CSMD1: variants seen among roughly 807,000 people sequenced by gnomAD.
CSMD1 encodes the protein CUB and Sushi multiple domains 1, also known as CUB and sushi domain-containing protein 1.
In CSMD1, 213 loss-of-function variants were observed where a neutral mutation model predicts 417.5. The ratio of observed to expected loss-of-function variants is 0.51; its 90% confidence interval spans 0.46 to 0.57. CSMD1 has a LOEUF of 0.57. Ranked by LOEUF, CSMD1 falls within the 20% of genes least tolerant of loss-of-function variation. The pLI, the probability that CSMD1 is intolerant of heterozygous loss-of-function variation, is 0.00. For synonymous variants in CSMD1, 2,862 were observed against 1,736.8 expected (o/e 1.65, Z -16.11); for missense variants, 6,923 against 4,529.7 (o/e 1.53, Z -15.17).
chr8:4,527,037 A>G (rs1796550345), intron 2 of CSMD1, among the ~76,000 whole-genome samples: 1 of 151,988 alleles, frequency 6.6e-6, no homozygotes, highest in African/African-American at 2.4e-5. Flanking sequence ...AATATTTCAT[A>G]TTTTTCTTTC....
intron 3 of CSMD1, among the ~76,000 whole-genome samples, chr8:4,287,014 T>A (rs548856003): frequency 2.6e-5 from 4 of 152,154 alleles, no homozygotes; most frequent in Non-Finnish European, 5.9e-5. Context: ...AAGTTTCACT[T>A]GAAAAATAAG....
chr8:4,380,003 G>A (rs1802999762), intron 3 of CSMD1, among the ~76,000 whole-genome samples: 2 of 152,198 alleles, frequency 1.3e-5, no homozygotes, highest in Non-Finnish European at 2.9e-5. Context: ...TTGCAGAGAG[G>A]ACTGCTGAAA....
intron 1 of CSMD1, among the ~76,000 whole-genome samples, chr8:4,894,497 G>A (rs890451573): frequency 6.6e-6 from 1 of 150,690 alleles, no homozygotes; most frequent in Non-Finnish European, 1.5e-5. Context: ...AGGTTGCAGT[G>A]AGCCGAGATC....
Position 3,546,118 on chromosome 8 carries a change from T to G in CSMD1, c.1344+28827A>C, listed in dbSNP as rs373870878. Among the ~76,000 whole-genome samples, 32 of 152,206 alleles carry G rather than the reference T, an allele frequency of 2.1e-4. 1 individual carries two copies. The highest frequency in any genetic ancestry group is 1.3e-3 in the East Asian group (7 of 5,188). The stretch of plus-strand genomic sequence containing the variant: ...GCAGTAAAATCCAAGAAAATATGTT[T>G]TGCTGTGCATAGGTGTCTCAACTAA... On this transcript the variant is annotated intron_variant, in intron 10 of 69. Transcript: ENST00000635120.
At chr8:4,244,217 C>G (rs561163228) in intron 3 of CSMD1, among the ~76,000 whole-genome samples, 140 of 152,216 alleles carry the variant, frequency 9.2e-4, no homozygotes, top group African/African-American at 3.1e-3. Flanking sequence ...CAAGCAGCAG[C>G]AACAGTAACA....
chr8:4,395,897 A>T (rs7828854), intron 3 of CSMD1, among the ~76,000 whole-genome samples: 1 of 152,048 alleles, frequency 6.6e-6, no homozygotes, highest in Admixed American at 6.5e-5. Context: ...AGAAACACAT[A>T]TAAGTGTAAT....
chr8:3,409,326 G>A (rs1241609228), intron 13 of CSMD1, 97 bp downstream of exon 13: 4 of 1,157,332 alleles, frequency 3.5e-6, no homozygotes, highest in Non-Finnish European at 4.6e-6. Context: ...TCTGAAAGCT[G>A]CCCTCCCTAA....
chr8:4,761,416 A>C (rs762105339), intron 1 of CSMD1, among the ~76,000 whole-genome samples: 1 of 152,164 alleles, frequency 6.6e-6, no homozygotes, highest in Admixed American at 6.5e-5. Context: ...ATATATACAC[A>C]CAATTACATA....
chr8:4,018,892 A>G (rs750711877), intron 4 of CSMD1, among the ~76,000 whole-genome samples: 1 of 152,138 alleles, frequency 6.6e-6, no homozygotes, highest in Admixed American at 6.5e-5. Context: ...ATGATAATAT[A>G]TAACTTCTAG....
intron 1 of CSMD1, among the ~76,000 whole-genome samples, chr8:4,936,644 C>G (rs946271978): frequency 2.0e-5 from 3 of 152,066 alleles, no homozygotes; most frequent in Non-Finnish European, 2.9e-5. Flanking sequence ...CATTTTAATT[C>G]AAGAGCTAGT....
intron 1 of CSMD1, among the ~76,000 whole-genome samples, chr8:4,837,844 T>C (rs575829805): frequency 2.6e-4 from 39 of 152,152 alleles, no homozygotes; most frequent in African/African-American, 8.4e-4. Context: ...AGCATGCCTA[T>C]ATCAAAACAT....
chr8:4,945,968 A>G (rs1808341242), intron 1 of CSMD1, among the ~76,000 whole-genome samples: 1 of 152,190 alleles, frequency 6.6e-6, no homozygotes, highest in Non-Finnish European at 1.5e-5. Context: ...AGGACATATC[A>G]GAGGCTCCAG....
At chr8:3,998,259 G>A (rs1815379359) in intron 4 of CSMD1, 149 bp from the exon 5 acceptor site, 4 of 646,838 alleles carry the variant, frequency 6.2e-6, no homozygotes, top group Non-Finnish European at 1.1e-5. Context: ...CTTTTGGTAT[G>A]TTAATGAGTT....
intron 3 of CSMD1, among the ~76,000 whole-genome samples, chr8:4,360,181 G>A (rs934419996): frequency 2.0e-5 from 3 of 152,142 alleles, no homozygotes; most frequent in East Asian, 1.9e-4. Flanking sequence ...GACTGTCACC[G>A]AGTAAACGCG....
intron 1 of CSMD1, among the ~76,000 whole-genome samples, chr8:4,930,412 C>T (rs1367003057): frequency 6.6e-6 from 1 of 152,088 alleles, no homozygotes; most frequent in Non-Finnish European, 1.5e-5. Flanking sequence ...TACATGCACA[C>T]ATCATTTTGA....
chr8:3,826,050 G>T (rs142578043), intron 5 of CSMD1, among the ~76,000 whole-genome samples: 6 of 152,070 alleles, frequency 3.9e-5, no homozygotes, highest in Admixed American at 6.5e-5. Context: ...TCAAATGGAG[G>T]CCCACATAGA....
At chr8:4,799,215 A>G (rs987939589) in intron 1 of CSMD1, among the ~76,000 whole-genome samples, 2 of 152,158 alleles carry the variant, frequency 1.3e-5, no homozygotes, top group African/African-American at 4.8e-5. Flanking sequence ...TGTTTTGAAA[A>G]CTGTAAGAGT....
At chr8:4,501,879 C>A (rs1802275431) in intron 2 of CSMD1, among the ~76,000 whole-genome samples, 1 of 152,064 alleles carries the variant, frequency 6.6e-6, no homozygotes, top group Non-Finnish European at 1.5e-5. Flanking sequence ...TACATGCAGG[C>A]TTTGGTGCTG....
chr8:4,881,370 G>A (rs564024110), intron 1 of CSMD1, among the ~76,000 whole-genome samples: 1 of 151,838 alleles, frequency 6.6e-6, no homozygotes, highest in East Asian at 1.9e-4. Context: ...TATTTTGTGA[G>A]CAATTAAATG....
Sources: gnomAD v4.1 joint callset for allele counts (sites outside exome capture counted in the v4.1 genomes callset) on GRCh38, gnomAD v4.1.1 for gene constraint, MANE v1.5 for transcripts, NCBI Gene and HGNC (gene_info 2026-07-23, HGNC 2026-07-21) for gene names.